Variants in ZNF594 observed in about 807,000 individuals in gnomAD.
The protein encoded by ZNF594 is zinc finger protein HZF18.
For missense variants in ZNF594, 1,037 were observed against 964.6 expected (o/e 1.08, Z -0.99); for synonymous variants, 336 against 309.4 (o/e 1.09, Z -0.90).
At chr17:5,176,587 C>A (rs1403119946), downstream of ZNF594, among the ~76,000 whole-genome samples, 9 of 149,198 alleles carry the variant, frequency 6.0e-5, no homozygotes, top group Non-Finnish European at 1.2e-4. Flanking sequence ...CTCTGTTGCA[C>A]AAGGATGGAG....
At chr17:5,174,804 C>G (rs1211828338), downstream of ZNF594, 3 of 196,230 alleles carry the variant, frequency 1.5e-5, no homozygotes, top group African/African-American at 6.9e-5. Flanking sequence ...TTGTAAATTA[C>G]TGTATAAAAC....
chr17:5,190,035 A>G (rs1050438597), intron 1 of ZNF594, among the ~76,000 whole-genome samples: 1 of 152,224 alleles, frequency 6.6e-6, no homozygotes, highest in Admixed American at 6.5e-5. Context: ...AACTAAAGAA[A>G]GATAATCAAA....
rs2074367245 is a variant in ZNF594, at chr17:5,183,789, C to T, written c.468G>A (p.Val156=). The T allele has an allele frequency of 1.9e-6, 3 of 1,613,986 alleles. No homozygotes were observed. The highest frequency in any genetic ancestry group is 1.6e-4 in the Middle Eastern group (1 of 6,084). ...TAGAGTCTTTCCCACATTCATTACA[C>T]ACATATGGCTTATTTCCTGTATGAA... ...QRIHTGNKPY[V]CNECGKDSNQ... Residue 156 remains valine, a synonymous_variant, in exon 2 of 2, where the codon GTG becomes GTA. Coordinates refer to ENST00000575779, the MANE Select transcript of ZNF594 (RefSeq NM_032530.2).
At position 5,181,318 on chromosome 17, in the gene ZNF594, G is replaced by C; in HGVS notation, c.*515C>G. Reference sequence around the variant, plus strand: ...TTCCCACATTCTTTACATTCATATGGTTTCTCTCCTGTATGAGTTACCTGA... The same window carrying C: ...TTCCCACATTCTTTACATTCATATGCTTTCTCTCCTGTATGAGTTACCTGA... On this transcript the variant is annotated 3_prime_UTR_variant, in exon 2 of 2. Transcript: ENST00000575779. The C allele has an allele frequency of 6.2e-7, 1 of 1,612,822 alleles. No individual in the cohort carries two copies. Among genetic ancestry groups the C allele is most frequent in the African/African-American group, 1.3e-5 (1 of 74,940 alleles).
downstream of ZNF594, chr17:5,174,576 GTTTCAAGA>G (rs1457315316): frequency 5.2e-6 from 1 of 193,426 alleles, no homozygotes; most frequent in African/African-American, 2.3e-5. Flanking sequence ...ACACTTTATA[GTTTCAAGA>G]TTTTCAGTAA....
chr17:5,183,445 T>C lies in ZNF594; in HGVS notation c.812A>G (p.Asp271Gly), dbSNP rs774863148. 45 of 1,613,872 alleles carry C rather than the reference T, an allele frequency of 2.8e-5. No individual in the cohort carries two copies. Among genetic ancestry groups the C allele is most frequent in the Non-Finnish European group, 3.5e-5 (41 of 1,180,036 alleles). Residue 271 changes from aspartate (D) to glycine (G), a missense_variant, in exon 2 of 2, where the codon GAC becomes GGC. Transcript: ENST00000575779. Reference protein sequence around the residue: ...HTGEKPYECYDCGQMFSQSSH... With the variant: ...HTGEKPYECYGCGQMFSQSSH... Reference sequence around the variant, plus strand: ...ACTTTGACTGAACATCTGTCCACAGTCATAACATTCATAGGGTTTCTCTCC... The same window carrying C: ...ACTTTGACTGAACATCTGTCCACAGCCATAACATTCATAGGGTTTCTCTCC...
At chr17:5,178,666 A>C (rs1351637687), downstream of ZNF594, among the ~76,000 whole-genome samples, 2 of 152,218 alleles carry the variant, frequency 1.3e-5, no homozygotes, top group Non-Finnish European at 2.9e-5. Flanking sequence ...ATTTAAGTAC[A>C]TAAGTACATA....
downstream of ZNF594, among the ~76,000 whole-genome samples, chr17:5,178,189 A>G (rs533876052): frequency 6.7e-5 from 10 of 149,838 alleles, no homozygotes; most frequent in African/African-American, 1.5e-4. Context: ...AAAAAAAACC[A>G]TATCATATGA....
intron 1 of ZNF594, among the ~76,000 whole-genome samples, chr17:5,186,291 T>C (rs140451349): frequency 1.3e-5 from 2 of 152,328 alleles, no homozygotes; most frequent in Non-Finnish European, 2.9e-5. Flanking sequence ...CTCAACACCA[T>C]GTGGAAACTG....
rs146616693 is a variant in ZNF594 at position 5,189,591 on chromosome 17, G to C, written c.-21+2157C>G. 3.7e-4 allele frequency among the ~76,000 whole-genome samples: 56 copies of C among 152,188 alleles called. 1 individual carries two copies. Among genetic ancestry groups the C allele is most frequent in the African/African-American group, 1.3e-3 (55 of 41,520 alleles). On this transcript the variant is annotated intron_variant, in intron 1 of 1. Transcript: ENST00000575779. ...ATTCTGTCACCCAGGCTGGAGTGCA[G>C]TGGTGCAATCATAGCTCACTGCAAC...
At chr17:5,184,437 C>T in intron 1 of ZNF594, 161 bp from the exon 2 acceptor site, 1 of 735,142 alleles carries the variant, frequency 1.4e-6, no homozygotes, top group East Asian at 2.8e-5. Flanking sequence ...AACACAGGAA[C>T]CTGTGCTACC....
At position 5,183,765 on chromosome 17, in the gene ZNF594, A is replaced by G. The variant is rs534318452; in HGVS notation, c.492T>C (p.Ser164=). 1 of 1,613,174 alleles carries G rather than the reference A, an allele frequency of 6.2e-7. No homozygotes were observed. Among genetic ancestry groups the G allele is most frequent in the South Asian group, 1.1e-5 (1 of 91,050 alleles). ...GTATAATAAGATTTGAACTTTGATT[A>G]GAGTCTTTCCCACATTCATTACACA... ...PYVCNECGKD[S]NQSSNLIIHQ... The change falls in exon 2 of 2, where the codon TCT becomes TCC. Residue 164 remains serine, a synonymous_variant. Transcript: ENST00000575779.
downstream of ZNF594, chr17:5,174,879 T>A (rs2074292462): frequency 5.2e-6 from 1 of 191,322 alleles, no homozygotes; most frequent in South Asian, 1.9e-4. Context: ...AATAAAATAG[T>A]GTTGATGTAC....
chr17:5,183,279 G>A lies in ZNF594; in HGVS notation c.978C>T (p.His326=). 8 of 1,614,014 alleles carry A rather than the reference G, an allele frequency of 5.0e-6. No individual in the cohort carries two copies. Among genetic ancestry groups the A allele is most frequent in the Non-Finnish European group, 6.8e-6 (8 of 1,179,998 alleles). The change falls in exon 2 of 2, where the codon CAC becomes CAT. Residue 326 remains histidine (H), a synonymous_variant. Transcript: ENST00000575779. ...GCCCACTGAAGGTCTTCCCACATCT[G>A]TGACATTCATAGGGTTTCTCTCCAC... ...LHSGEKPYEC[H]RCGKTFSGRT... is the part of the protein sequence containing the mutation.
chr17:5,184,371 A>C, intron 1 of ZNF594, 95 bp from the exon 2 acceptor site: 1 of 1,245,618 alleles, frequency 8.0e-7, no homozygotes, highest in Non-Finnish European at 1.1e-6. Context: ...CAAAGAACTC[A>C]GAAGACCTTT....
At position 5,183,601 on chromosome 17, in the gene ZNF594, G is replaced by C. The variant is rs372924659; in HGVS notation, c.656C>G (p.Ala219Gly). Residue 219 changes from alanine to glycine, a missense_variant, in exon 2 of 2, where the codon GCT becomes GGT. Ala to Gly is a moderately conservative substitution (Grantham distance 60). Coordinates refer to ENST00000575779, the MANE Select transcript of ZNF594 (RefSeq NM_032530.2). ...NPYECKECGKAFKGSSNLVLH... is the reference protein window; with the variant it reads ...NPYECKECGKGFKGSSNLVLH... ...GACAAGGTTTGAGCTTCCCTTAAAA[G>C]CCTTCCCACACTCTTTGCACTCATA... The C allele has an allele frequency of 2.5e-6, 4 of 1,614,022 alleles. No homozygotes were observed. The East Asian group carries it at 6.7e-5, about 27-fold the overall frequency.
In ZNF594 at chr17:5,180,788, A is replaced by G. The variant is rs1224569940; in HGVS notation, c.*1045T>C. Reference sequence around the variant, plus strand: ...CAAGAGCTTTTGGCTTTTCCACTTGATTATACTTACGTTTGAAAAATCCAG... The same window carrying G: ...CAAGAGCTTTTGGCTTTTCCACTTGGTTATACTTACGTTTGAAAAATCCAG... On this transcript the variant is annotated 3_prime_UTR_variant, in exon 2 of 2. Transcript: ENST00000575779. 2.9e-6 allele frequency: 1 copy of G among 346,860 alleles called. No individual in the cohort carries two copies. Among genetic ancestry groups the G allele is most frequent in the African/African-American group, 2.1e-5 (1 of 46,742 alleles). 21.5% of individuals were successfully genotyped at this position (346,860 alleles called of 1,614,324 possible). A position where few individuals can be genotyped will look rare whatever the true frequency, so the allele number is the denominator to read the frequency against.
At position 5,184,204 on chromosome 17, in the gene ZNF594, C is replaced by T. The variant is rs776293096; in HGVS notation, c.53G>A (p.Arg18Lys). The T allele has an allele frequency of 1.7e-5, 27 of 1,613,854 alleles. No individual in the cohort carries two copies. The highest frequency in any genetic ancestry group is 3.3e-4 in the Middle Eastern group (2 of 6,062). ...TCTTTGGAGTTTTTCGGATGCAGCC[C>T]TTGCTGACTTCTTTTCTTCAGAAAT... ...MEISEEKKSA[R>K]AASEKLQRQI... Residue 18 changes from arginine (R) to lysine (K), a missense_variant, in exon 2 of 2, where the codon AGG becomes AAG. Physicochemically the swap from Arg to Lys is conservative, Grantham distance 26. Transcript: ENST00000575779.
Position 5,181,116 on chromosome 17 carries a change from C to A in ZNF594, c.*717G>T, listed in dbSNP as rs755443434. 341 of 1,557,864 alleles carry A rather than the reference C, an allele frequency of 2.2e-4. 1 individual carries two copies. The highest frequency in any genetic ancestry group is 5.6e-4 in the South Asian group (50 of 90,060). ...ATGACTGACAAGGTGTGAGTTCTGACTGAAGGCCTTCCAACATTCAGGGCA... is the reference window on the plus strand; with the variant it reads ...ATGACTGACAAGGTGTGAGTTCTGAATGAAGGCCTTCCAACATTCAGGGCA... On this transcript the variant is annotated 3_prime_UTR_variant, in exon 2 of 2. Coordinates refer to ENST00000575779, the MANE Select transcript of ZNF594 (RefSeq NM_032530.2).
Sources: gnomAD v4.1 joint callset for allele counts (sites outside exome capture counted in the v4.1 genomes callset) on GRCh38, gnomAD v4.1.1 for gene constraint, MANE v1.5 for transcripts, NCBI Gene and HGNC (gene_info 2026-07-23, HGNC 2026-07-21) for gene names.